ZRANB3: variants seen among roughly 807,000 people sequenced by gnomAD.
The protein encoded by ZRANB3 is zinc finger RANBP2-type containing 3.
ZRANB3 carries 125 observed loss-of-function variants against 133.8 expected under a neutral mutation model. The observed-to-expected ratio is 0.93, with a 90% CI of 0.81 to 1.08. The LOEUF is 1.08. ZRANB3 is among the 50% of genes least tolerant of loss of function. The probability of loss-of-function intolerance (pLI) is 0.00; values close to 1 mark genes in which losing one functional copy is unlikely to be tolerated. For synonymous variants in ZRANB3, 387 were observed against 432.7 expected, an observed-to-expected ratio of 0.89 and a Z score of 1.31; for missense variants, 1,229 against 1,275.5, an observed-to-expected ratio of 0.96 and a Z score of 0.56.
chr2:135,473,573 A>G (rs2104783104), intron 2 of ZRANB3, among the ~76,000 whole-genome samples: 1 of 152,190 alleles, frequency 6.6e-6, no homozygotes, highest in Non-Finnish European at 1.5e-5. Context: ...GGAAAGGAAA[A>G]GAATATGGAA....
At chr2:135,420,816 T>C (rs973229813) in intron 2 of ZRANB3, among the ~76,000 whole-genome samples, 4 of 152,154 alleles carry the variant, frequency 2.6e-5, no homozygotes, top group African/African-American at 9.7e-5. Flanking sequence ...TAGAAAAAGA[T>C]GTTTTTATGT....
intron 6 of ZRANB3, among the ~76,000 whole-genome samples, chr2:135,316,078 A>G (rs988767520): frequency 4.6e-5 from 7 of 152,204 alleles, no homozygotes; most frequent in Admixed American, 2.6e-4. Flanking sequence ...ATTGACAGCA[A>G]AGGGATAAAA....
Position 135,301,604 on chromosome 2 carries a change from C to T in ZRANB3, c.966+11885G>A, listed in dbSNP as rs545394804. Reference sequence around the variant, plus strand: ...TTTTGGTTCCCTGAATATGTCTTTCCGGTTATTCTGTGAGTTTCCACAAAC... The same window carrying T: ...TTTTGGTTCCCTGAATATGTCTTTCTGGTTATTCTGTGAGTTTCCACAAAC... On this transcript the variant is annotated intron_variant, in intron 8 of 20. Coordinates refer to ENST00000264159, the MANE Select transcript of ZRANB3 (RefSeq NM_032143.4). Among the ~76,000 whole-genome samples, 28 of 152,218 alleles carry T rather than the reference C, an allele frequency of 1.8e-4. No individual in the cohort carries two copies. In the South Asian group the frequency reaches 2.1e-3, roughly 11 times the overall value.
intron 12 of ZRANB3, among the ~76,000 whole-genome samples, chr2:135,239,490 T>C (rs1441927277): frequency 6.6e-6 from 1 of 151,960 alleles, no homozygotes; most frequent in African/African-American, 2.4e-5. Context: ...TTAAAACATG[T>C]TATCATAGGG....
chr2:135,435,649 ATC>A (rs1689501003), intron 2 of ZRANB3, among the ~76,000 whole-genome samples: 2 of 152,000 alleles, frequency 1.3e-5, no homozygotes, highest in Non-Finnish European at 1.5e-5. Context: ...CCTTGCCCAC[ATC>A]TGTTATTTTT....
chr2:135,348,124 T>C (rs1334888964), intron 5 of ZRANB3, among the ~76,000 whole-genome samples: 1 of 151,932 alleles, frequency 6.6e-6, no homozygotes, highest in African/African-American at 2.4e-5. Context: ...CCGGGTGTGG[T>C]GGCATGCGCC....
rs555488233 is a variant in ZRANB3 at position 135,390,837 on chromosome 2, A to G, written c.162-17T>C. The G allele has an allele frequency of 1.3e-6, 2 of 1,519,526 alleles. No homozygotes were observed. The highest frequency in any genetic ancestry group is 8.8e-7 in the Non-Finnish European group (1 of 1,139,388). 94.1% of individuals were successfully genotyped at this position (1,519,526 alleles called of 1,614,324 possible). A position where few individuals can be genotyped will look rare whatever the true frequency, so the allele number is the denominator to read the frequency against. ...ACCATACACCTGGAAAAAAAAAAAA[A>G]AAAAAATTAATTATCAGAGTGAACC... On this transcript the variant is annotated splice_polypyrimidine_tract_variant and intron_variant, in intron 2 of 20. Coordinates refer to ENST00000264159, the MANE Select transcript of ZRANB3 (RefSeq NM_032143.4).
intron 15 of ZRANB3, among the ~76,000 whole-genome samples, chr2:135,221,104 G>C (rs1357996433): frequency 6.6e-6 from 1 of 152,024 alleles, no homozygotes; most frequent in Non-Finnish European, 1.5e-5. Context: ...TGATCCGCCT[G>C]CCTCGGCCTC....
chr2:135,485,800 C>T (rs1339274180), intron 2 of ZRANB3, among the ~76,000 whole-genome samples: 1 of 152,128 alleles, frequency 6.6e-6, no homozygotes, highest in Non-Finnish European at 1.5e-5. Context: ...TGTACATATC[C>T]TAGTTGTAAA....
chr2:135,414,598 G>A (rs1389276492), intron 2 of ZRANB3, among the ~76,000 whole-genome samples: 1 of 152,146 alleles, frequency 6.6e-6, no homozygotes, highest in Non-Finnish European at 1.5e-5. Flanking sequence ...TCTGCACCAA[G>A]TGGACCTAAT....
chr2:135,372,802 A>G (rs1169444944), intron 3 of ZRANB3, among the ~76,000 whole-genome samples: 1 of 151,448 alleles, frequency 6.6e-6, no homozygotes, highest in African/African-American at 2.4e-5. Flanking sequence ...AAAAAAAAAA[A>G]AAGCCAGGTG....
At chr2:135,215,964 G>C (rs1295697308) in intron 17 of ZRANB3, among the ~76,000 whole-genome samples, 1 of 151,966 alleles carries the variant, frequency 6.6e-6, no homozygotes, top group Non-Finnish European at 1.5e-5. Flanking sequence ...GGACCAAATT[G>C]CTCCAAATTG....
At chr2:135,360,889 C>T (rs1005574140) in intron 3 of ZRANB3, among the ~76,000 whole-genome samples, 1 of 152,018 alleles carries the variant, frequency 6.6e-6, no homozygotes, top group Non-Finnish European at 1.5e-5. Flanking sequence ...ACCTCAGCCT[C>T]CTGAGTAGCT....
chr2:135,515,127 G>C (rs1246069879), intron 1 of ZRANB3, among the ~76,000 whole-genome samples: 1 of 152,110 alleles, frequency 6.6e-6, no homozygotes, highest in Non-Finnish European at 1.5e-5. Context: ...CCAGGTTTTG[G>C]TATCAGCATG....
intron 3 of ZRANB3, among the ~76,000 whole-genome samples, chr2:135,378,409 C>G (rs574905409): frequency 2.0e-5 from 3 of 152,062 alleles, no homozygotes; most frequent in Non-Finnish European, 4.4e-5. Flanking sequence ...AGGAGAATTG[C>G]TTGAACCCGG....
At chr2:135,208,842 A>AG in intron 18 of ZRANB3, 26 bp downstream of exon 18, 1 of 1,566,666 alleles carries the variant, frequency 6.4e-7, no homozygotes, top group Non-Finnish European at 8.8e-7. Flanking sequence ...TAGTACTACT[A>AG]TATACTAGTA....
chr2:135,235,324 C>T (rs1193360880), intron 12 of ZRANB3, among the ~76,000 whole-genome samples: 5 of 152,110 alleles, frequency 3.3e-5, no homozygotes, highest in Admixed American at 6.5e-5. Context: ...AAGTCCAGGA[C>T]CAGATGGATT....
chr2:135,434,994 A>T (rs920112741), intron 2 of ZRANB3, among the ~76,000 whole-genome samples: 1 of 151,586 alleles, frequency 6.6e-6, no homozygotes, highest in Admixed American at 6.6e-5. Flanking sequence ...CTTTTTTTTT[A>T]AATTTGTACT....
At chr2:135,489,979 A>G (rs1692301212) in intron 2 of ZRANB3, among the ~76,000 whole-genome samples, 1 of 152,184 alleles carries the variant, frequency 6.6e-6, no homozygotes, top group African/African-American at 2.4e-5. Flanking sequence ...CTAAAAGAAT[A>G]TGGCACGTCC....
Sources: gnomAD v4.1 joint callset for allele counts (sites outside exome capture counted in the v4.1 genomes callset) on GRCh38, gnomAD v4.1.1 for gene constraint, MANE v1.5 for transcripts, NCBI Gene and HGNC (gene_info 2026-07-23, HGNC 2026-07-21) for gene names.